The following SCN8A variants were observed in gnomAD, a reference collection of about 807,000 sequenced individuals.
SCN8A encodes the protein sodium voltage-gated channel alpha subunit 8, also known as sodium channel protein type 8 subunit alpha.
SCN8A carries 30 observed loss-of-function variants against 184.1 expected under a neutral mutation model. That is an observed-to-expected ratio of 0.16 (90% CI 0.12 to 0.22). SCN8A has a LOEUF of 0.22. Ranked by LOEUF, SCN8A falls within the 10% of genes least tolerant of loss-of-function variation. The pLI is 1.00. For synonymous variants in SCN8A, 852 were observed against 907.0 expected (o/e 0.94, Z 1.09); for missense variants, 1,057 against 2,498.9 (o/e 0.42, Z 12.30).
intron 12 of SCN8A, among the ~76,000 whole-genome samples, chr12:51,741,213 C>T (rs898497892): frequency 5.8e-4 from 89 of 152,250 alleles, no homozygotes; most frequent in African/African-American, 1.9e-3. Context: ...TATGTACTAG[C>T]GATCTCTGTC....
At chr12:51,786,489 T>C (rs1006791483) in intron 21 of SCN8A, 53 bp from the exon 22 acceptor site, 1 of 1,593,798 alleles carries the variant, frequency 6.3e-7, no homozygotes, top group Non-Finnish European at 8.6e-7. Flanking sequence ...AATCAAAAAA[T>C]GTGCTTGCTC....
rs1942066515 is a variant in SCN8A, at chr12:51,721,719, C to T, written c.1809C>T (p.Ile603=). 1.3e-6 allele frequency: 2 copies of T among 1,593,066 alleles called. No homozygotes were observed. The highest frequency in any genetic ancestry group is 3.6e-5 in the Admixed American group (2 of 55,546). ...AGGGCCGCCGGGACTCCCTCTTCATCCCCATCCGGGCCCGCGAGCGCCGGA... is the reference window on the plus strand; with the variant it reads ...AGGGCCGCCGGGACTCCCTCTTCATTCCCATCCGGGCCCGCGAGCGCCGGA... ...ESEGRRDSLF[I]PIRARERRSS... is the part of the protein sequence containing the mutation. Residue 603 remains isoleucine (I), a synonymous_variant, in exon 12 of 27, where the codon ATC becomes ATT. Transcript: ENST00000627620.
chr12:51,742,913 G>T (rs1385220348), intron 12 of SCN8A, among the ~76,000 whole-genome samples: 2 of 151,534 alleles, frequency 1.3e-5, no homozygotes, highest in Non-Finnish European at 2.9e-5. Flanking sequence ...TTTTTCTTTT[G>T]TCTCCTCTGA....
chr12:51,716,861 C>G (rs1279289604), intron 11 of SCN8A, among the ~76,000 whole-genome samples: 10 of 152,194 alleles, frequency 6.6e-5, no homozygotes, highest in African/African-American at 2.4e-4. Flanking sequence ...GTCCAAAGCC[C>G]ACATTCCCAA....
At chr12:51,745,458 T>C (rs1942494571) in intron 12 of SCN8A, among the ~76,000 whole-genome samples, 1 of 152,220 alleles carries the variant, frequency 6.6e-6, no homozygotes, top group Non-Finnish European at 1.5e-5. Flanking sequence ...ATACTTAGTG[T>C]GATCAGGGAC....
chr12:51,644,841 C>T (rs1158483184), intron 1 of SCN8A, among the ~76,000 whole-genome samples: 4 of 151,906 alleles, frequency 2.6e-5, no homozygotes, highest in Non-Finnish European at 5.9e-5. Context: ...AGCATCTCTG[C>T]CCGGCCACCC....
chr12:51,686,941 C>T (rs1183453098), intron 4 of SCN8A, 150 bp from the exon 5 acceptor site: 2 of 713,634 alleles, frequency 2.8e-6, no homozygotes, highest in Non-Finnish European at 2.4e-6. Flanking sequence ...GCATTTCTTT[C>T]TCCTCCTCAC....
intron 13 of SCN8A, among the ~76,000 whole-genome samples, chr12:51,749,332 A>G (rs1196073441): frequency 1.3e-5 from 2 of 152,154 alleles, no homozygotes; most frequent in African/African-American, 4.8e-5. Context: ...GTGTGGCAAG[A>G]CTCAAGACCT....
intron 1 of SCN8A, among the ~76,000 whole-genome samples, chr12:51,601,917 C>CA (rs112148094): frequency 0.024 from 3,312 of 139,240 alleles, 139 homozygotes; most frequent in African/African-American, 0.083. Context: ...CAATCTGTTG[C>CA]AAAATCTCAA....
chr12:51,750,063 C>T (rs1942573214), intron 13 of SCN8A, among the ~76,000 whole-genome samples: 1 of 152,124 alleles, frequency 6.6e-6, no homozygotes, highest in Non-Finnish European at 1.5e-5. Context: ...TTGTAACTGC[C>T]AGTTGAGTGT....
chr12:51,743,335 T>G (rs942659953), intron 12 of SCN8A, among the ~76,000 whole-genome samples: 1 of 152,140 alleles, frequency 6.6e-6, no homozygotes, highest in Non-Finnish European at 1.5e-5. Flanking sequence ...AATCTGGGCT[T>G]GTTTGTGCCT....
At chr12:51,614,617 A>C (rs1939792316) in intron 1 of SCN8A, among the ~76,000 whole-genome samples, 1 of 152,112 alleles carries the variant, frequency 6.6e-6, no homozygotes, top group African/African-American at 2.4e-5. Context: ...ATAATACTTT[A>C]TTAGGTAAGC....
In SCN8A at chr12:51,666,689, G is replaced by T. The variant is rs150882782; in HGVS notation, c.276+3596G>T. Among the ~76,000 whole-genome samples, 4 of 152,208 alleles carry T rather than the reference G, an allele frequency of 2.6e-5. No individual in the cohort carries two copies. In the East Asian group the frequency reaches 7.7e-4, roughly 29 times the overall value. ...GTCTTTGTGACTCTCACAAAAACTT[G>T]TTTCTTATTTCCTTCCCTCTTTCTC... On this transcript the variant is annotated intron_variant, in intron 2 of 26. Coordinates refer to ENST00000627620, the MANE Select transcript of SCN8A (RefSeq NM_001330260.2).
Position 51,675,799 on chromosome 12 carries a change from CATA to C in SCN8A, c.277-8371_277-8369del, listed in dbSNP as rs1941212694. Among the ~76,000 whole-genome samples the C allele has an allele frequency of 4.6e-5, 7 of 152,290 alleles. No homozygotes were observed. The South Asian group carries it at 1.4e-3, about 32-fold the overall frequency. ...CTCAGTTCAATGCTAAATTTCACCA[CATA>C]ATAGCTGTGTTGTCTTGGGCAAGTT... On this transcript the variant is annotated intron_variant, in intron 2 of 26. Transcript: ENST00000627620.
At chr12:51,640,332 ATT>A (rs1036347035) in intron 1 of SCN8A, among the ~76,000 whole-genome samples, 12 of 145,448 alleles carry the variant, frequency 8.3e-5, no homozygotes, top group South Asian at 2.2e-4. Context: ...AACCAAAAAA[ATT>A]TTGTTACTGA....
chr12:51,780,784 G>A lies in SCN8A; in HGVS notation c.3942+13G>A. ...TGAAGGGATGAGGGTAAGATACTAA[G>A]AGCAGCTGATCCTTCTGCATGCCAG... On this transcript the variant is annotated intron_variant, in intron 21 of 26. Coordinates refer to ENST00000627620, the MANE Select transcript of SCN8A (RefSeq NM_001330260.2). 1 of 1,572,482 alleles carries A rather than the reference G, an allele frequency of 6.4e-7. No individual in the cohort carries two copies. Among genetic ancestry groups the A allele is most frequent in the Non-Finnish European group, 8.6e-7 (1 of 1,166,414 alleles).
At chr12:51,619,144 A>C (rs1009426064) in intron 1 of SCN8A, among the ~76,000 whole-genome samples, 1 of 152,186 alleles carries the variant, frequency 6.6e-6, no homozygotes, top group African/African-American at 2.4e-5. Context: ...TACTGTACAC[A>C]CTATTATATA....
chr12:51,612,340 T>G (rs1359037489), intron 1 of SCN8A, among the ~76,000 whole-genome samples: 1 of 152,188 alleles, frequency 6.6e-6, no homozygotes, highest in Non-Finnish European at 1.5e-5. Flanking sequence ...TTTTAAAATT[T>G]TTTTGTAGAG....
intron 9 of SCN8A, among the ~76,000 whole-genome samples, chr12:51,703,406 A>G (rs1941725856): frequency 6.6e-6 from 1 of 152,064 alleles, no homozygotes. Context: ...GGCCTCCCAA[A>G]GTGCTGGAAT....
Sources: gnomAD v4.1 joint callset for allele counts (sites outside exome capture counted in the v4.1 genomes callset) on GRCh38, gnomAD v4.1.1 for gene constraint, MANE v1.5 for transcripts, NCBI Gene and HGNC (gene_info 2026-07-23, HGNC 2026-07-21) for gene names.